Variants in DEDD2 observed in about 807,000 individuals in gnomAD.
The protein encoded by DEDD2 is death effector domain containing 2.
A neutral mutation model predicts 28.9 loss-of-function variants in DEDD2; 18 were observed. The observed-to-expected ratio is 0.62, with a 90% CI of 0.43 to 0.92. DEDD2 has a LOEUF of 0.92. Among genes scored for constraint, DEDD2 ranks in the 40% least tolerant of loss-of-function variants. The probability of loss-of-function intolerance (pLI) is 0.00; values close to 1 mark genes in which losing one functional copy is unlikely to be tolerated. For missense variants in DEDD2, 411 were observed against 463.3 expected (o/e 0.89, Z 1.04); for synonymous variants, 211 against 206.1 (o/e 1.02, Z -0.20).
At chr19:42,216,374 G>C (rs914985282) in intron 2 of DEDD2, among the ~76,000 whole-genome samples, 4 of 152,198 alleles carry the variant, frequency 2.6e-5, no homozygotes, top group Admixed American at 6.5e-5. Context: ...ACAGTAACAG[G>C]ACTTCCTTGT....
intron 4 of DEDD2, among the ~76,000 whole-genome samples, chr19:42,208,565 C>G (rs1209027237): frequency 6.6e-6 from 1 of 152,232 alleles, no homozygotes; most frequent in Non-Finnish European, 1.5e-5. Context: ...TCACGTCACC[C>G]TCCTGCTCAA....
Position 42,209,797 on chromosome 19 carries a change from G to T in DEDD2, c.492C>A (p.Pro164=). The part of the protein sequence containing the change: ...TKRQRRSRGR[P]SGGARRRRRG... ...TCCGCCGCCGTCTGGCACCACCACT[G>T]GGCCGGCCCCGACTCCGCCGCTGCC... Residue 164 remains proline (P), a synonymous_variant, in exon 4 of 5, where the codon CCC becomes CCA. Coordinates refer to ENST00000596251, the MANE Select transcript of DEDD2 (RefSeq NM_133328.4). 6.3e-7 allele frequency: 1 copy of T among 1,576,636 alleles called. No individual in the cohort carries two copies. The highest frequency in any genetic ancestry group is 8.6e-7 in the Non-Finnish European group (1 of 1,163,790).
upstream of DEDD2, among the ~76,000 whole-genome samples, chr19:42,218,458 G>T (rs956184012): frequency 3.9e-5 from 6 of 151,986 alleles, no homozygotes; most frequent in Non-Finnish European, 5.9e-5. Flanking sequence ...GCCCTCCAGG[G>T]TCGCCCAGAT....
At chr19:42,203,038 A>G (rs2035393446) in intron 4 of DEDD2, among the ~76,000 whole-genome samples, 1 of 152,248 alleles carries the variant, frequency 6.6e-6, no homozygotes, top group Non-Finnish European at 1.5e-5. Flanking sequence ...CACAACAATC[A>G]GGTGATGCTG....
intron 4 of DEDD2, chr19:42,204,612 C>G (rs2146862731): frequency 6.5e-6 from 1 of 152,738 alleles, no homozygotes; most frequent in East Asian, 1.9e-4. Flanking sequence ...TACACAGTCT[C>G]AGGTATTTCT....
rs1300638815 is a variant in DEDD2 at position 42,209,854 on chromosome 19, A to T, written c.449-14T>A. 1 of 1,506,466 alleles carries T rather than the reference A, an allele frequency of 6.6e-7. No individual in the cohort carries two copies. Among genetic ancestry groups the T allele is most frequent in the South Asian group, 1.3e-5 (1 of 77,982 alleles). 93.3% of individuals were successfully genotyped at this position (1,506,466 alleles called of 1,614,324 possible). ...TTGGGGGGGAGCCTGAGGGGAAAAA[A>T]ATGGGGCAAGTTGAGGACCAGGATG... On this transcript the variant is annotated splice_polypyrimidine_tract_variant and intron_variant, in intron 3 of 4. Transcript: ENST00000596251.
At chr19:42,214,998 T>C in intron 3 of DEDD2, 135 bp downstream of exon 3, 1 of 1,214,688 alleles carries the variant, frequency 8.2e-7, no homozygotes, top group Non-Finnish European at 1.1e-6. Context: ...TCTGTAGCAA[T>C]AAACACACAC....
chr19:42,212,493 C>T (rs540637034), intron 3 of DEDD2, among the ~76,000 whole-genome samples: 1 of 149,272 alleles, frequency 6.7e-6, no homozygotes, highest in South Asian at 2.3e-4. Flanking sequence ...GAGACAGGGT[C>T]TTGCTCTGTC....
chr19:42,217,489 C>G (rs961972353), intron 1 of DEDD2, 143 bp downstream of exon 1: 3 of 187,322 alleles, frequency 1.6e-5, no homozygotes, highest in African/African-American at 7.2e-5. Flanking sequence ...AGGAGCGACC[C>G]AGGCAGCCCC....
chr19:42,209,635 T>C, intron 4 of DEDD2, 65 bp downstream of exon 4: 1 of 1,512,930 alleles, frequency 6.6e-7, no homozygotes, highest in Non-Finnish European at 8.8e-7. Flanking sequence ...AAATGCTCAT[T>C]TCTCCCACCC....
At chr19:42,210,066 G>A (rs959628287) in intron 3 of DEDD2, among the ~76,000 whole-genome samples, 1 of 152,110 alleles carries the variant, frequency 6.6e-6, no homozygotes, top group Non-Finnish European at 1.5e-5. Flanking sequence ...CACTCCAGGT[G>A]TGATGTGACC....
intron 4 of DEDD2, among the ~76,000 whole-genome samples, chr19:42,208,816 G>A (rs1243405235): frequency 6.6e-6 from 1 of 152,268 alleles, no homozygotes; most frequent in African/African-American, 2.4e-5. Context: ...CACAGCAACA[G>A]TGAGAACAAA....
At chr19:42,213,220 T>C (rs1000664607) in intron 3 of DEDD2, among the ~76,000 whole-genome samples, 3 of 152,150 alleles carry the variant, frequency 2.0e-5, no homozygotes, top group East Asian at 1.9e-4. Flanking sequence ...TATGGGTCTA[T>C]AGTGACACTC....
chr19:42,208,345 C>T (rs1312506273), intron 4 of DEDD2, among the ~76,000 whole-genome samples: 1 of 151,818 alleles, frequency 6.6e-6, no homozygotes, highest in African/African-American at 2.4e-5. Context: ...CTTCTCCTCA[C>T]CCTCTCCAAC....
chr19:42,213,866 C>G (rs1192844008), intron 3 of DEDD2, among the ~76,000 whole-genome samples: 2 of 152,174 alleles, frequency 1.3e-5, no homozygotes, highest in African/African-American at 4.8e-5. Context: ...AACGGTCCCA[C>G]AGTCTGGGGA....
At chr19:42,212,068 ATTAATTAAAAAG>A (rs2035791083) in intron 3 of DEDD2, 1 of 150,160 alleles carries the variant, frequency 6.7e-6, no homozygotes, top group South Asian at 2.1e-4. Flanking sequence ...TAATAAATTA[ATTAATTAAAAAG>A]TCTGGCTGGG....
chr19:42,217,999 T>C (rs1032175609), upstream of DEDD2, among the ~76,000 whole-genome samples: 11 of 152,300 alleles, frequency 7.2e-5, no homozygotes, highest in Admixed American at 5.2e-4. Context: ...TAACTACTCA[T>C]CTCATAAACT....
chr19:42,203,855 T>C (rs886491950), intron 4 of DEDD2, among the ~76,000 whole-genome samples: 2 of 152,046 alleles, frequency 1.3e-5, no homozygotes, highest in Non-Finnish European at 2.9e-5. Context: ...ATGGGAGCAG[T>C]AGACATGGAG....
Position 42,217,063 on chromosome 19 carries a change from G to C in DEDD2, c.-38-18C>G, listed in dbSNP as rs1243625794. ...AACCCGGCCTAGAACCCACACAGCG[G>C]GGAGGGGGCAGTGGTCAGCGACGCG... On this transcript the variant is annotated intron_variant, in intron 1 of 4. Coordinates refer to ENST00000596251, the MANE Select transcript of DEDD2 (RefSeq NM_133328.4). 31 of 1,514,278 alleles carry C rather than the reference G, an allele frequency of 2.0e-5. No homozygotes were observed. The highest frequency in any genetic ancestry group is 2.7e-5 in the Non-Finnish European group (30 of 1,115,872). The allele number at this position is 1,514,278 out of a possible 1,614,324, so 93.8% of individuals were successfully genotyped here.
Sources: allele counts gnomAD v4.1 joint callset (sites outside exome capture counted in the v4.1 genomes callset), GRCh38; gene constraint gnomAD v4.1.1; transcripts MANE v1.5; gene names NCBI Gene and HGNC (gene_info 2026-07-23, HGNC 2026-07-21).